CWC22: variants seen among roughly 807,000 people sequenced by gnomAD.
The protein encoded by CWC22 is CWC22 spliceosome associated protein, also known as pre-mRNA-splicing factor CWC22 homolog.
CWC22 carries 53 observed loss-of-function variants against 117.2 expected under a neutral mutation model. That is an observed-to-expected ratio of 0.45 (90% CI 0.36 to 0.57). CWC22 has a LOEUF of 0.57. Among genes scored for constraint, CWC22 ranks in the 20% least tolerant of loss-of-function variants. CWC22 has a pLI of 0.00. For missense variants in CWC22, 980 were observed against 1,068.8 expected (o/e 0.92, Z 1.16); for synonymous variants, 360 against 355.6 (o/e 1.01, Z -0.14).
chr2:179,992,393 T>C (rs180977169), intron 2 of CWC22, among the ~76,000 whole-genome samples: 1 of 151,118 alleles, frequency 6.6e-6, no homozygotes, highest in Non-Finnish European at 1.5e-5. Context: ...TTGCCTTTGC[T>C]GTTCCTTTTG....
At chr2:179,980,647 G>A (rs1687263607) in intron 5 of CWC22, among the ~76,000 whole-genome samples, 1 of 151,840 alleles carries the variant, frequency 6.6e-6, no homozygotes, top group South Asian at 2.1e-4. Context: ...CGAACTTTGG[G>A]AGGCCGAGGT....
In CWC22 at chr2:179,965,877, CCTT is replaced by C; in HGVS notation, c.1313_1315del (p.Glu438del). On this transcript the variant is annotated inframe_deletion and splice_region_variant, in exon 12 of 20. Transcript: ENST00000410053. Reference sequence around the variant, plus strand: ...ATTATTTGAATATGCTACATGTTTACCTTCTTCATCTTCTTCTCCCTCTTCCTC... The same window carrying C: ...ATTATTTGAATATGCTACATGTTTACCTTCATCTTCTTCTCCCTCTTCCTC... 1 of 1,468,864 alleles carries C rather than the reference CCTT, an allele frequency of 6.8e-7. No homozygotes were observed. The highest frequency in any genetic ancestry group is 9.5e-7 in the Non-Finnish European group (1 of 1,049,442). 91.0% of individuals were successfully genotyped at this position (1,468,864 alleles called of 1,614,324 possible).
At chr2:179,963,805 A>G (rs1686822554) in intron 13 of CWC22, among the ~76,000 whole-genome samples, 1 of 152,234 alleles carries the variant, frequency 6.6e-6, no homozygotes. Flanking sequence ...CATTACTGCT[A>G]TTACATCATC....
rs1686274335 is a variant in CWC22 at position 179,945,660 on chromosome 2, T to C, written c.2196A>G (p.Lys732=). The C allele has an allele frequency of 1.2e-6, 2 of 1,610,828 alleles. No homozygotes were observed. Among genetic ancestry groups the C allele is most frequent in the Non-Finnish European group, 1.7e-6 (2 of 1,179,446 alleles). ...CATTTGTTTGCTGGTTTCTGATCAA[T>C]TTATCTACCTCTTTACTTCTGGTCT... ...HGKTRSKEVD[K]LIRNQQTNDR... Residue 732 remains lysine (K), a synonymous_variant, in exon 20 of 20, where the codon AAA becomes AAG. Coordinates refer to ENST00000410053, the MANE Select transcript of CWC22 (RefSeq NM_020943.3).
Position 179,950,566 on chromosome 2 carries a change from ACT to A in CWC22, c.2084_2085del (p.Glu695ValfsTer4). 1 of 1,613,338 alleles carries A rather than the reference ACT, an allele frequency of 6.2e-7. No individual in the cohort carries two copies. Among genetic ancestry groups the A allele is most frequent in the South Asian group, 1.1e-5 (1 of 91,060 alleles). On this transcript the variant is annotated frameshift_variant, in exon 19 of 20. Transcript: ENST00000410053. LOFTEE classifies it high-confidence loss of function. ...GAAGAGTCGCTCTCTTCACTGGAAG[ACT>A]CTGAACTGCTATCACTGCTGTCAGA... ...SDSDSSDSSS[E>X]SSSEESDSSS...
chr2:179,955,150 A>C, intron 14 of CWC22, 116 bp from the exon 15 acceptor site: 1 of 718,050 alleles, frequency 1.4e-6, no homozygotes, highest in South Asian at 2.0e-5. Flanking sequence ...AAAACAGTTC[A>C]AAAATTTTGT....
intron 3 of CWC22, among the ~76,000 whole-genome samples, chr2:179,987,872 A>G (rs181389918): frequency 1.7e-4 from 26 of 152,340 alleles, no homozygotes; most frequent in Admixed American, 1.4e-3. Flanking sequence ...ATAATATGAT[A>G]TAATCCAGCG....
chr2:180,001,345 T>G (rs1559299563), intron 1 of CWC22, among the ~76,000 whole-genome samples: 1 of 152,008 alleles, frequency 6.6e-6, no homozygotes, highest in East Asian at 1.9e-4. Flanking sequence ...TTTTTTTTCT[T>G]GAGACAGAGT....
chr2:179,958,157 A>G (rs1686646406), intron 14 of CWC22, among the ~76,000 whole-genome samples: 1 of 151,810 alleles, frequency 6.6e-6, no homozygotes, highest in Non-Finnish European at 1.5e-5. Flanking sequence ...ATGGTGAAAC[A>G]CCATCGCTAT....
intron 1 of CWC22, among the ~76,000 whole-genome samples, chr2:179,995,011 C>A (rs575746478): frequency 6.6e-6 from 1 of 152,140 alleles, no homozygotes; most frequent in South Asian, 2.1e-4. Context: ...CCAGCTACTC[C>A]GGAGGCTGAG....
intron 14 of CWC22, 46 bp downstream of exon 14, chr2:179,958,976 T>A: frequency 8.1e-7 from 1 of 1,235,240 alleles, no homozygotes; most frequent in Non-Finnish European, 1.2e-6. Flanking sequence ...TTAAACATTT[T>A]TAAAACCAAT....
Position 179,994,119 on chromosome 2 carries a change from G to A in CWC22, c.-113-665C>T, listed in dbSNP as rs537394989. Among the ~76,000 whole-genome samples the A allele has an allele frequency of 4.0e-3, 612 of 152,210 alleles. 4 individuals are homozygous for A. Among genetic ancestry groups the A allele is most frequent in the African/African-American group, 0.014 (593 of 41,544 alleles). On this transcript the variant is annotated intron_variant, in intron 1 of 19. Coordinates refer to ENST00000410053, the MANE Select transcript of CWC22 (RefSeq NM_020943.3). ...CTCTAAGTAAGTTTTAGCAATTTCTGCAAGATGCTAAATTGATACTTATGT... is the reference window on the plus strand; with the variant it reads ...CTCTAAGTAAGTTTTAGCAATTTCTACAAGATGCTAAATTGATACTTATGT...
intron 1 of CWC22, among the ~76,000 whole-genome samples, chr2:180,001,519 G>A (rs818662): frequency 0.011 from 1,617 of 152,068 alleles, 31 homozygotes; most frequent in African/African-American, 0.037. Flanking sequence ...TAGTAGAGAT[G>A]GGGTTTCGCC....
intron 14 of CWC22, among the ~76,000 whole-genome samples, chr2:179,955,358 A>C (rs1452605495): frequency 4.6e-5 from 7 of 151,996 alleles, no homozygotes; most frequent in Non-Finnish European, 8.8e-5. Flanking sequence ...TGCATTCTTA[A>C]AGGATTCTAT....
chr2:179,995,023 T>C (rs1380482411), intron 1 of CWC22, among the ~76,000 whole-genome samples: 1 of 151,820 alleles, frequency 6.6e-6, no homozygotes, highest in Non-Finnish European at 1.5e-5. Flanking sequence ...GAGGCTGAGG[T>C]GGGAGAATGG....
Position 180,006,854 on chromosome 2 carries a change from A to T in CWC22, c.-114+13T>A, listed in dbSNP as rs1687993340. 6.6e-6 allele frequency: 1 copy of T among 152,520 alleles called. No homozygotes were observed. The highest frequency in any genetic ancestry group is 1.5e-5 in the Non-Finnish European group (1 of 68,344). The allele number at this position is 152,520 out of a possible 1,614,324, so 9.4% of individuals were successfully genotyped here. A position where few individuals can be genotyped will look rare whatever the true frequency, so the allele number is the denominator to read the frequency against. ...TCAGGCAGTCAGTTCATGGCAGCCCATTCCCTCCCCACCTGCTTGGACCTA... is the reference window on the plus strand; with the variant it reads ...TCAGGCAGTCAGTTCATGGCAGCCCTTTCCCTCCCCACCTGCTTGGACCTA... On this transcript the variant is annotated intron_variant, in intron 1 of 19. Coordinates refer to ENST00000410053, the MANE Select transcript of CWC22 (RefSeq NM_020943.3).
At position 179,945,687 on chromosome 2, in the gene CWC22, C is replaced by T; in HGVS notation, c.2169G>A (p.Gly723=). 1 of 1,598,450 alleles carries T rather than the reference C, an allele frequency of 6.3e-7. No homozygotes were observed. Among genetic ancestry groups the T allele is most frequent in the East Asian group, 2.2e-5 (1 of 44,796 alleles). The part of the protein sequence containing the change: ...SANDVRKKGH[G]KTRSKEVDKL... The stretch of plus-strand genomic sequence containing the variant: ...TATCTACCTCTTTACTTCTGGTCTT[C>T]CCATGTCCCTTCTTTCTTACATCAT... The change falls in exon 20 of 20, where the codon GGG becomes GGA. Residue 723 remains glycine (G), a synonymous_variant. Coordinates refer to ENST00000410053, the MANE Select transcript of CWC22 (RefSeq NM_020943.3).
At chr2:179,990,716 G>A (rs1474947355) in intron 2 of CWC22, among the ~76,000 whole-genome samples, 1 of 152,192 alleles carries the variant, frequency 6.6e-6, no homozygotes, top group Admixed American at 6.5e-5. Context: ...CTGTACTAAT[G>A]ATTTTTAACA....
chr2:179,947,689 A>G (rs990147222), intron 19 of CWC22, among the ~76,000 whole-genome samples: 1 of 152,216 alleles, frequency 6.6e-6, no homozygotes, highest in Non-Finnish European at 1.5e-5. Context: ...TCAATTCATG[A>G]ATAAAAGTTC....
Sources: gnomAD v4.1 joint callset for allele counts (sites outside exome capture counted in the v4.1 genomes callset) on GRCh38, gnomAD v4.1.1 for gene constraint, MANE v1.5 for transcripts, NCBI Gene and HGNC (gene_info 2026-07-23, HGNC 2026-07-21) for gene names.